The following LGR6 variants were observed in gnomAD, a reference collection of about 807,000 sequenced individuals.
LGR6 encodes the protein leucine rich repeat containing G protein-coupled receptor 6, also known as leucine-rich repeat-containing G protein-coupled receptor 6.
LGR6 carries 45 observed loss-of-function variants against 69.4 expected under a neutral mutation model. The observed-to-expected ratio is 0.65, with a 90% confidence interval of 0.51 to 0.83. LGR6 has a LOEUF of 0.83. Among genes scored for constraint, LGR6 ranks in the 40% least tolerant of loss-of-function variants. LGR6 has a pLI of 0.00. For synonymous variants in LGR6, 538 were observed against 555.0 expected (o/e 0.97, Z 0.43); for missense variants, 1,108 against 1,246.7 (o/e 0.89, Z 1.68).
In LGR6 at chr1:202,274,058, C is replaced by A. The variant is rs546535990; in HGVS notation, c.429-2248C>A. The stretch of plus-strand genomic sequence containing the variant: ...GTCTGGGCATCTGCTGGGTGGGCAT[C>A]TGCAGACGGGGGAAAGCGGGAGGTG... On this transcript the variant is annotated intron_variant, in intron 4 of 17. Transcript: ENST00000367278. 3.3e-4 allele frequency among the ~76,000 whole-genome samples: 50 copies of A among 152,234 alleles called. 1 individual carries two copies. Among genetic ancestry groups the A allele is most frequent in the African/African-American group, 1.1e-3 (47 of 41,546 alleles).
intron 9 of LGR6, among the ~76,000 whole-genome samples, chr1:202,302,650 G>A (rs1007066222): frequency 3.3e-5 from 5 of 152,044 alleles, no homozygotes; most frequent in African/African-American, 7.2e-5. Flanking sequence ...GGGTTCAAGC[G>A]ATTCTCCTGC....
chr1:202,200,556 C>T (rs560154251), intron 1 of LGR6, among the ~76,000 whole-genome samples: 6 of 152,226 alleles, frequency 3.9e-5, no homozygotes, highest in East Asian at 3.9e-4. Context: ...GATGGAGTGG[C>T]GGAGAAAATG....
intron 5 of LGR6, among the ~76,000 whole-genome samples, chr1:202,280,450 G>A (rs1665914890): frequency 6.6e-6 from 1 of 152,178 alleles, no homozygotes; most frequent in South Asian, 2.1e-4. Flanking sequence ...AGCCATAGAA[G>A]AAGCCTCAGA....
chr1:202,243,584 G>T (rs1177865154), intron 4 of LGR6, among the ~76,000 whole-genome samples: 1 of 152,214 alleles, frequency 6.6e-6, no homozygotes, highest in Non-Finnish European at 1.5e-5. Context: ...CTGCAGGGGA[G>T]GTGTAGAGCA....
intron 4 of LGR6, among the ~76,000 whole-genome samples, chr1:202,273,428 G>A (rs1203511150): frequency 1.3e-5 from 2 of 151,878 alleles, no homozygotes; most frequent in Non-Finnish European, 2.9e-5. Context: ...CCAGTGGGTT[G>A]CTGGGCCTTA....
At position 202,319,503 on chromosome 1, in the gene LGR6, G is replaced by A. The variant is rs146510530; in HGVS notation, c.*296G>A. ...TTTTGTCTGCTTAAGGGAAATGAGG[G>A]AAGTAAAGACAGTGAAGGGGTGGAG... On this transcript the variant is annotated 3_prime_UTR_variant, in exon 18 of 18. Transcript: ENST00000367278. 6.9e-3 allele frequency: 2,450 copies of A among 354,422 alleles called. 19 individuals carry two copies. Among genetic ancestry groups the A allele is most frequent in the Non-Finnish European group, 8.4e-3 (1,645 of 196,886 alleles). The allele number at this position is 354,422 out of a possible 1,614,324, so 22.0% of individuals were successfully genotyped here.
intron 1 of LGR6, among the ~76,000 whole-genome samples, chr1:202,200,482 A>G (rs985695329): frequency 6.6e-6 from 1 of 152,126 alleles, no homozygotes; most frequent in East Asian, 1.9e-4. Context: ...GTGAGTCACT[A>G]TTGGGAGCAG....
At chr1:202,314,261 C>T (rs1184903416) in intron 16 of LGR6, among the ~76,000 whole-genome samples, 1 of 152,240 alleles carries the variant, frequency 6.6e-6, no homozygotes, top group African/African-American at 2.4e-5. Flanking sequence ...GATACCCCCA[C>T]TTACTCTTAC....
intron 6 of LGR6, among the ~76,000 whole-genome samples, chr1:202,291,469 A>C (rs1038417950): frequency 2.0e-5 from 3 of 152,252 alleles, no homozygotes; most frequent in African/African-American, 7.2e-5. Context: ...CCAAGGCCAA[A>C]GGAGCCCCCA....
chr1:202,260,956 T>G (rs1467751296), intron 4 of LGR6, among the ~76,000 whole-genome samples: 1 of 152,176 alleles, frequency 6.6e-6, no homozygotes, highest in East Asian at 1.9e-4. Context: ...AAGATTTTTT[T>G]TCTTTATCCT....
intron 1 of LGR6, among the ~76,000 whole-genome samples, chr1:202,224,126 T>C (rs1333659188): frequency 6.6e-6 from 1 of 151,952 alleles, no homozygotes; most frequent in African/African-American, 2.4e-5. Flanking sequence ...CCTTTTGACT[T>C]CGAAGCTCAG....
At chr1:202,238,046 A>T (rs1661744045) in intron 4 of LGR6, among the ~76,000 whole-genome samples, 1 of 149,902 alleles carries the variant, frequency 6.7e-6, no homozygotes, top group Admixed American at 6.6e-5. Context: ...GAGATCGTTC[A>T]TCTAACCAGT....
Position 202,287,249 on chromosome 1 carries a change from C to T in LGR6, c.716+6397C>T, listed in dbSNP as rs920863760. Among the ~76,000 whole-genome samples, 7 of 152,194 alleles carry T rather than the reference C, an allele frequency of 4.6e-5. 1 individual carries two copies. The South Asian group carries it at 1.4e-3, about 31-fold the overall frequency. ...ATATGCCAGGCCACCATTATAGGCACTGGTAAAACATTTATGAACAACAAA... is the reference window on the plus strand; with the variant it reads ...ATATGCCAGGCCACCATTATAGGCATTGGTAAAACATTTATGAACAACAAA... On this transcript the variant is annotated intron_variant, in intron 6 of 17. Coordinates refer to ENST00000367278, the MANE Select transcript of LGR6 (RefSeq NM_001017403.2).
At chr1:202,230,027 A>G (rs1179323001) in intron 3 of LGR6, among the ~76,000 whole-genome samples, 1 of 152,030 alleles carries the variant, frequency 6.6e-6, no homozygotes, top group Non-Finnish European at 1.5e-5. Flanking sequence ...GATAATGACA[A>G]CCTATTTTTG....
At chr1:202,233,341 G>A (rs1444892457) in intron 3 of LGR6, among the ~76,000 whole-genome samples, 2 of 152,132 alleles carry the variant, frequency 1.3e-5, no homozygotes, top group Non-Finnish European at 2.9e-5. Flanking sequence ...ACCAGATGTA[G>A]CCTCCTGGGC....
intron 4 of LGR6, among the ~76,000 whole-genome samples, chr1:202,243,775 C>A (rs907837506): frequency 6.6e-6 from 1 of 152,054 alleles, no homozygotes; most frequent in Non-Finnish European, 1.5e-5. Context: ...AGAGAAGGAG[C>A]CAGTTGTGCA....
rs774004439 is a variant in LGR6, at chr1:202,305,665, G to T, written c.1071-19G>T. On this transcript the variant is annotated intron_variant, in intron 11 of 17. Coordinates refer to ENST00000367278, the MANE Select transcript of LGR6 (RefSeq NM_001017403.2). ...TAGCCACCATTTCACCCCAGCCCTG[G>T]CCTTTCTCTTTTCCCCAGGGAACTG... 2 of 1,612,274 alleles carry T rather than the reference G, an allele frequency of 1.2e-6. No individual in the cohort carries two copies. The highest frequency in any genetic ancestry group is 3.3e-5 in the Admixed American group (2 of 60,002).
At chr1:202,317,608 A>G (rs944458635) in intron 17 of LGR6, among the ~76,000 whole-genome samples, 1 of 152,132 alleles carries the variant, frequency 6.6e-6, no homozygotes, top group Non-Finnish European at 1.5e-5. Flanking sequence ...AGCCTCCGGA[A>G]GTGCTGGAAT....
rs191473066 is a variant in LGR6 at position 202,212,176 on chromosome 1, G to C, written c.213-13247G>C. On this transcript the variant is annotated intron_variant, in intron 1 of 17. Coordinates refer to ENST00000367278, the MANE Select transcript of LGR6 (RefSeq NM_001017403.2). The stretch of plus-strand genomic sequence containing the variant: ...ATATGGATGTGTGTCTGTTGGTTAA[G>C]TCCCCAGCAATGGAATTGCTGGATC... Among the ~76,000 whole-genome samples, 6 of 152,296 alleles carry C rather than the reference G, an allele frequency of 3.9e-5. No homozygotes were observed. In the East Asian group the frequency reaches 1.2e-3, roughly 29 times the overall value.
Sources: gnomAD v4.1 joint callset for allele counts (sites outside exome capture counted in the v4.1 genomes callset) on GRCh38, gnomAD v4.1.1 for gene constraint, MANE v1.5 for transcripts, NCBI Gene and HGNC (gene_info 2026-07-23, HGNC 2026-07-21) for gene names.